The following IP6K3 variants were observed in gnomAD, a reference collection of about 807,000 sequenced individuals.
The protein encoded by IP6K3 is ATP:1D-myo-inositol-hexakisphosphate phosphotransferase.
Under a neutral mutation model 28.8 loss-of-function variants are expected in IP6K3, and 20 were observed. That is an observed-to-expected ratio of 0.70 (90% CI 0.49 to 1.01). IP6K3 has a LOEUF of 1.01. Among genes scored for constraint, IP6K3 ranks in the 50% least tolerant of loss-of-function variants. The pLI, the probability that IP6K3 is intolerant of heterozygous loss-of-function variation, is 0.00. For synonymous variants in IP6K3, 213 were observed against 221.3 expected (o/e 0.96, Z 0.33); for missense variants, 480 against 537.1 (o/e 0.89, Z 1.05).
At chr6:33,737,467 G>A (rs1766568356) in intron 1 of IP6K3, among the ~76,000 whole-genome samples, 1 of 152,174 alleles carries the variant, frequency 6.6e-6, no homozygotes, top group African/African-American at 2.4e-5. Context: ...CATGATTAAC[G>A]CTCTAATTGA....
intron 1 of IP6K3, among the ~76,000 whole-genome samples, chr6:33,745,633 A>G (rs1766880888): frequency 6.6e-6 from 1 of 152,134 alleles, no homozygotes; most frequent in Non-Finnish European, 1.5e-5. Flanking sequence ...TGCTGACCCA[A>G]TGCCTTTTGA....
At chr6:33,748,836 G>A (rs548981435), upstream of IP6K3, among the ~76,000 whole-genome samples, 314 of 150,048 alleles carry the variant, frequency 2.1e-3, 2 homozygotes, top group Middle Eastern at 0.014. Context: ...GGGGTGCCCT[G>A]AAGCCTGGTT....
the IP6K3 span, among the ~76,000 whole-genome samples, chr6:33,758,233 C>T: frequency 6.6e-6 from 1 of 152,082 alleles, no homozygotes; most frequent in Admixed American, 6.5e-5. Context: ...AGCTCAGGGG[C>T]CGGAGCTTGG....
At position 33,725,469 on chromosome 6, in the gene IP6K3, CA is replaced by C; in HGVS notation, c.736del (p.Cys246AlafsTer122). The C allele has an allele frequency of 6.2e-7, 1 of 1,612,542 alleles. No individual in the cohort carries two copies. Among genetic ancestry groups the C allele is most frequent in the African/African-American group, 1.3e-5 (1 of 75,066 alleles). On this transcript the variant is annotated frameshift_variant, in exon 5 of 6. Transcript: ENST00000293756. LOFTEE classifies it low-confidence loss of function (END_TRUNC). ...MRKCAQSTSA[C>X]LGVRICGMQV... ...CATGCCGCAGATGCGCACACCCAGG[CA>C]GGCTGAGGTGCTCTGCGCACACTTC...
rs1280115421 is a variant in IP6K3 at position 33,735,282 on chromosome 6, G to T, written c.195C>A (p.Tyr65Ter). ...CCTGGCTGCCTAGACACTCACCTTT[G>T]TACTGTGGGGTGAACCGCTTCATGG... ...PLAMKRFTPQYKGTVTVHLWK... is the reference protein window; with the variant it reads ...PLAMKRFTPQ The change falls in exon 2 of 6, where the codon TAC becomes TAA. Residue 65 changes from tyrosine to a stop codon, truncating the protein, a stop_gained. Coordinates refer to ENST00000293756, the MANE Select transcript of IP6K3 (RefSeq NM_054111.5). LOFTEE classifies it high-confidence loss of function. 2 of 1,612,482 alleles carry T rather than the reference G, an allele frequency of 1.2e-6. No homozygotes were observed. Among genetic ancestry groups the T allele is most frequent in the Admixed American group, 3.3e-5 (2 of 59,882 alleles).
At chr6:33,760,119 T>C in the IP6K3 span, among the ~76,000 whole-genome samples, 2 of 152,236 alleles carry the variant, frequency 1.3e-5, no homozygotes, top group African/African-American at 2.4e-5. Context: ...CTCTCAGCTA[T>C]CACAAGGGCT....
At chr6:33,732,125 C>T (rs77804603) in intron 2 of IP6K3, among the ~76,000 whole-genome samples, 1 of 152,214 alleles carries the variant, frequency 6.6e-6, no homozygotes, top group African/African-American at 2.4e-5. Flanking sequence ...ACTGGACTTA[C>T]GAGTATGTCC....
At chr6:33,738,841 C>T (rs1242874544) in intron 1 of IP6K3, among the ~76,000 whole-genome samples, 1 of 152,202 alleles carries the variant, frequency 6.6e-6, no homozygotes, top group Admixed American at 6.5e-5. Flanking sequence ...GTCTCCCAGG[C>T]CTGGTCTACC....
chr6:33,723,334 G>T, intron 5 of IP6K3, 147 bp from the exon 6 acceptor site: 1 of 603,558 alleles, frequency 1.7e-6, no homozygotes, highest in Non-Finnish European at 2.9e-6. Flanking sequence ...AGCAGAAGAT[G>T]ATCTTCCATC....
the IP6K3 span, among the ~76,000 whole-genome samples, chr6:33,752,064 G>A: frequency 1.3e-5 from 2 of 152,364 alleles, no homozygotes; most frequent in East Asian, 3.9e-4. Context: ...CTGGGACGCA[G>A]AGGACCCAAA....
chr6:33,753,642 C>T, the IP6K3 span, among the ~76,000 whole-genome samples: 65 of 152,228 alleles, frequency 4.3e-4, no homozygotes, highest in African/African-American at 1.5e-3. Flanking sequence ...TCCTCCCTCT[C>T]CAGGGGTGCC....
chr6:33,749,610 A>G (rs908560179), upstream of IP6K3, among the ~76,000 whole-genome samples: 1 of 150,674 alleles, frequency 6.6e-6, no homozygotes, highest in African/African-American at 2.4e-5. Context: ...TCAGGTCCTC[A>G]GGGACAGACA....
At position 33,722,882 on chromosome 6, in the gene IP6K3, G is replaced by A. The variant is rs776112687; in HGVS notation, c.1071C>T (p.Pro357=). 23 of 1,614,152 alleles carry A rather than the reference G, an allele frequency of 1.4e-5. No homozygotes were observed. The highest frequency in any genetic ancestry group is 3.3e-5 in the South Asian group (3 of 91,076). Residue 357 remains proline (P), a synonymous_variant, in exon 6 of 6, where the codon CCC becomes CCT. Transcript: ENST00000293756. The part of the protein sequence containing the change: ...EAPQAAHGSS[P]GGLTKVDIRM... ...GGATGTCAACCTTGGTGAGACCACC[G>A]GGAGAGCTACCGTGGGCTGCCTGGG...
chr6:33,725,698 G>A, intron 4 of IP6K3, 82 bp from the exon 5 acceptor site: 1 of 1,315,750 alleles, frequency 7.6e-7, no homozygotes. Flanking sequence ...CTCAGAAGCT[G>A]CCTGGAAATT....
chr6:33,722,499 C>T lies in IP6K3; in HGVS notation c.*221G>A, dbSNP rs532823267. ...CACTTTATCCTGGCTGTCTGTTCTC[C>T]GATGAGCAGCATTAGAGCATAATGC... On this transcript the variant is annotated 3_prime_UTR_variant, in exon 6 of 6. Coordinates refer to ENST00000293756, the MANE Select transcript of IP6K3 (RefSeq NM_054111.5). 1.0e-3 allele frequency: 419 copies of T among 414,442 alleles called. No homozygotes were observed. Among genetic ancestry groups the T allele is most frequent in the Non-Finnish European group, 1.5e-3 (358 of 233,412 alleles). 25.7% of individuals were successfully genotyped at this position (414,442 alleles called of 1,614,324 possible).
intron 2 of IP6K3, among the ~76,000 whole-genome samples, chr6:33,732,193 A>G (rs1422738530): frequency 2.0e-5 from 3 of 152,172 alleles, no homozygotes; most frequent in Admixed American, 2.0e-4. Flanking sequence ...CCAGGGCACC[A>G]TCATGCCTGC....
At chr6:33,731,678 C>A (rs1294103372) in intron 2 of IP6K3, among the ~76,000 whole-genome samples, 1 of 152,078 alleles carries the variant, frequency 6.6e-6, no homozygotes, top group African/African-American at 2.4e-5. Context: ...AAGTAGATAG[C>A]CCCCTTAAAA....
At chr6:33,728,849 C>A (rs555081628) in intron 2 of IP6K3, among the ~76,000 whole-genome samples, 1 of 152,218 alleles carries the variant, frequency 6.6e-6, no homozygotes, top group African/African-American at 2.4e-5. Flanking sequence ...CTCTCACAGC[C>A]TTCCAGGGCT....
the IP6K3 span, among the ~76,000 whole-genome samples, chr6:33,760,386 C>T: frequency 1.9e-4 from 29 of 152,160 alleles, no homozygotes; most frequent in African/African-American, 6.0e-4. Context: ...TTCTCATATG[C>T]ACGTGTGTGC....
Sources: allele counts gnomAD v4.1 joint callset (sites outside exome capture counted in the v4.1 genomes callset), GRCh38; gene constraint gnomAD v4.1.1; transcripts MANE v1.5; gene names NCBI Gene and HGNC (gene_info 2026-07-23, HGNC 2026-07-21).